FANCA: variants seen among roughly 807,000 people sequenced by gnomAD.
FANCA encodes the protein FA complementation group A.
A neutral mutation model predicts 194.3 loss-of-function variants in FANCA; 236 were observed. That is an observed-to-expected ratio of 1.21 (90% CI 1.09 to 1.35). FANCA has a LOEUF of 1.35. Ranked by LOEUF, FANCA falls within the 40% of genes most tolerant of loss-of-function variation. The probability of loss-of-function intolerance (pLI) is 0.00; values close to 1 mark genes in which losing one functional copy is unlikely to be tolerated. For missense variants in FANCA, 2,628 were observed against 1,813.9 expected, an observed-to-expected ratio of 1.45 and a Z score of -8.15; for synonymous variants, 1,014 against 715.8, an observed-to-expected ratio of 1.42 and a Z score of -6.65.
intron 26 of FANCA, among the ~76,000 whole-genome samples, chr16:89,767,693 T>G (rs2143312901): frequency 6.6e-6 from 1 of 152,184 alleles, no homozygotes; most frequent in African/African-American, 2.4e-5. Context: ...GGACTACAGG[T>G]GCCAGCCTCC....
intron 10 of FANCA, among the ~76,000 whole-genome samples, chr16:89,797,490 C>T (rs935146387): frequency 5.3e-5 from 8 of 152,224 alleles, no homozygotes; most frequent in African/African-American, 1.7e-4. Context: ...CTCAGCCCTG[C>T]TGTCCTTCCT....
chr16:89,772,939 C>T (rs901007604), intron 22 of FANCA, among the ~76,000 whole-genome samples: 1 of 152,186 alleles, frequency 6.6e-6, no homozygotes, highest in African/African-American at 2.4e-5. Context: ...CCCTGTGTGT[C>T]TGATGTGACA....
chr16:89,799,569 T>G, intron 9 of FANCA, 36 bp downstream of exon 9: 1 of 1,597,432 alleles, frequency 6.3e-7, no homozygotes, highest in South Asian at 1.1e-5. Flanking sequence ...GCAAACTAAG[T>G]CATTTACAGT....
At chr16:89,740,373 C>T (rs538908408) in intron 38 of FANCA, 11 of 514,100 alleles carry the variant, frequency 2.1e-5, no homozygotes, top group African/African-American at 1.1e-4. Flanking sequence ...GATGCAGTGG[C>T]TCATGCCTGT....
At chr16:89,758,346 G>T (rs1370895389) in intron 30 of FANCA, among the ~76,000 whole-genome samples, 1 of 152,180 alleles carries the variant, frequency 6.6e-6, no homozygotes, top group East Asian at 1.9e-4. Flanking sequence ...ATCGGTGTGT[G>T]ATGGTTAATA....
At chr16:89,762,747 C>A (rs1567612960) in intron 28 of FANCA, 1 of 453,164 alleles carries the variant, frequency 2.2e-6, no homozygotes, top group East Asian at 7.1e-5. Context: ...TTCTCCCCCT[C>A]AGCCTCTCAG....
intron 14 of FANCA, among the ~76,000 whole-genome samples, chr16:89,785,477 C>A (rs2039865846): frequency 6.6e-6 from 1 of 152,158 alleles, no homozygotes; most frequent in Non-Finnish European, 1.5e-5. Context: ...GTAAGGAACA[C>A]AGGCCAAGGA....
chr16:89,805,540 C>A, intron 6 of FANCA, 148 bp from the exon 7 acceptor site: 1 of 655,298 alleles, frequency 1.5e-6, no homozygotes, highest in Non-Finnish European at 2.8e-6. Flanking sequence ...GTCACTGCAC[C>A]CTCGACCTCC....
chr16:89,763,665 G>A (rs1038694263), intron 28 of FANCA, among the ~76,000 whole-genome samples: 3 of 151,956 alleles, frequency 2.0e-5, no homozygotes, highest in Admixed American at 6.6e-5. Flanking sequence ...GGGGCCGAGC[G>A]CAGTGGCTCA....
At position 89,816,625 on chromosome 16, in the gene FANCA, G is replaced by T; in HGVS notation, c.-10C>A. 1 of 1,521,086 alleles carries T rather than the reference G, an allele frequency of 6.6e-7. No homozygotes were observed. Among genetic ancestry groups the T allele is most frequent in the Non-Finnish European group, 8.8e-7 (1 of 1,142,046 alleles). 94.2% of individuals were successfully genotyped at this position (1,521,086 alleles called of 1,614,324 possible). ...CCCACGAGTCGGACATGGCCTTGGCGCCTACAGCCCCGGCGGCGGCTCCCT... is the reference window on the plus strand; with the variant it reads ...CCCACGAGTCGGACATGGCCTTGGCTCCTACAGCCCCGGCGGCGGCTCCCT... On this transcript the variant is annotated 5_prime_UTR_variant, in exon 1 of 43. Coordinates refer to ENST00000389301, the MANE Select transcript of FANCA (RefSeq NM_000135.4).
intron 13 of FANCA, 120 bp from the exon 14 acceptor site, chr16:89,791,656 T>A (rs1342129208): frequency 2.0e-5 from 28 of 1,382,242 alleles, no homozygotes; most frequent in Non-Finnish European, 2.7e-5. Context: ...AACACCAAGT[T>A]TTAAAAGACT....
chr16:89,793,775 G>A (rs1987271), intron 11 of FANCA, among the ~76,000 whole-genome samples: 60,434 of 151,090 alleles, frequency 0.4, 13,162 homozygotes, highest in East Asian at 0.76. Context: ...TTTTGATGCT[G>A]AGTCTCACTC....
Position 89,814,613 on chromosome 16 carries a change from C to CA in FANCA, c.190-1_190insT (p.Val64CysfsTer7). 6.2e-7 allele frequency: 1 copy of CA among 1,611,186 alleles called. No homozygotes were observed. Among genetic ancestry groups the CA allele is most frequent in the South Asian group, 1.1e-5 (1 of 91,032 alleles). On this transcript the variant is annotated frameshift_variant and splice_region_variant. Coordinates refer to ENST00000389301, the MANE Select transcript of FANCA (RefSeq NM_000135.4). LOFTEE classifies it high-confidence loss of function. ...AATTTTTTACACAGTGGACCTTCTA[C>CA]CTAGAATCCAAAACACAACAAACTC...
At chr16:89,780,056 G>C (rs1311894308) in intron 17 of FANCA, 99 bp from the exon 18 acceptor site, 2 of 1,092,692 alleles carry the variant, frequency 1.8e-6, no homozygotes, top group African/African-American at 3.1e-5. Flanking sequence ...CTTGTTGAAA[G>C]GCTCTGTACA....
chr16:89,771,364 C>G (rs2039319612), intron 23 of FANCA, among the ~76,000 whole-genome samples: 1 of 151,878 alleles, frequency 6.6e-6, no homozygotes, highest in South Asian at 2.1e-4. Flanking sequence ...GAGGCTGAGA[C>G]AAGAGGATCA....
intron 30 of FANCA, among the ~76,000 whole-genome samples, chr16:89,752,965 C>T (rs1022783992): frequency 9.2e-5 from 14 of 152,156 alleles, no homozygotes; most frequent in Admixed American, 2.0e-4. Context: ...CAGACTCGCC[C>T]GCAGTTATCC....
intron 35 of FANCA, among the ~76,000 whole-genome samples, chr16:89,746,209 C>T (rs12102290): frequency 0.55 from 83,431 of 151,992 alleles, 25,675 homozygotes; most frequent in East Asian, 0.98. Context: ...GGGCCACAGT[C>T]ATGCTCTCGT....
chr16:89,743,054 A>G, intron 36 of FANCA, 116 bp from the exon 37 acceptor site: 2 of 1,256,546 alleles, frequency 1.6e-6, no homozygotes, highest in Non-Finnish European at 2.2e-6. Flanking sequence ...ATCAGAGGAC[A>G]GAGAAGGGTT....
At chr16:89,751,265 C>G (rs757245769) in intron 31 of FANCA, among the ~76,000 whole-genome samples, 1 of 151,896 alleles carries the variant, frequency 6.6e-6, no homozygotes, top group Non-Finnish European at 1.5e-5. Flanking sequence ...TTTTGGAGAC[C>G]GAGATGGGTG....
Sources: allele counts gnomAD v4.1 joint callset (sites outside exome capture counted in the v4.1 genomes callset), GRCh38; gene constraint gnomAD v4.1.1; transcripts MANE v1.5; gene names NCBI Gene and HGNC (gene_info 2026-07-23, HGNC 2026-07-21).